Variants in RIT2 observed in about 807,000 individuals in gnomAD.
RIT2 encodes GTP-binding protein Rit2.
In RIT2, 24 loss-of-function variants were observed where a neutral mutation model predicts 23.7. That is an observed-to-expected ratio of 1.01 (90% CI 0.73 to 1.43). The LOEUF (loss-of-function observed/expected upper bound fraction) is 1.43, where lower values mean the gene tolerates loss of function less well. RIT2 is among the 40% of genes most tolerant of loss of function. The pLI is 0.00. For missense variants in RIT2, 236 were observed against 266.9 expected (o/e 0.88, Z 0.81); for synonymous variants, 107 against 91.1 (o/e 1.17, Z -0.99).
At position 42,797,116 on chromosome 18, in the gene RIT2, G is replaced by A. The variant is rs574349072; in HGVS notation, c.427-53396C>T. The stretch of plus-strand genomic sequence containing the variant: ...AGAGCATCTATACACCAGGCCCTCA[G>A]GAGATGGCCTGAGCAGAGGAGACCA... On this transcript the variant is annotated intron_variant, in intron 4 of 4. Coordinates refer to ENST00000326695, the MANE Select transcript of RIT2 (RefSeq NM_002930.4). Among the ~76,000 whole-genome samples, 4 of 152,258 alleles carry A rather than the reference G, an allele frequency of 2.6e-5. No homozygotes were observed. The South Asian group carries it at 8.3e-4, about 32-fold the overall frequency.
rs943744868 is a variant in RIT2 at position 42,824,757 on chromosome 18, A to G, written c.427-81037T>C. Among the ~76,000 whole-genome samples the G allele has an allele frequency of 4.7e-5, 7 of 148,632 alleles. 1 individual carries two copies. The East Asian group carries it at 9.9e-4, about 21-fold the overall frequency. Reference sequence around the variant, plus strand: ...TAAAACCTGTAGGGGCTTTGTGTGTATGTGTGTGTGTGTGTGTGTGTGTTT... The same window carrying G: ...TAAAACCTGTAGGGGCTTTGTGTGTGTGTGTGTGTGTGTGTGTGTGTGTTT... On this transcript the variant is annotated intron_variant, in intron 4 of 4. Transcript: ENST00000326695.
At chr18:43,074,645 C>A (rs1311265061) in intron 1 of RIT2, among the ~76,000 whole-genome samples, 1 of 152,070 alleles carries the variant, frequency 6.6e-6, no homozygotes, top group Non-Finnish European at 1.5e-5. Context: ...TGGAATCAAC[C>A]GACATGCCCA....
intron 4 of RIT2, among the ~76,000 whole-genome samples, chr18:42,876,847 C>A (rs1460013271): frequency 6.6e-6 from 1 of 151,740 alleles, no homozygotes; most frequent in African/African-American, 2.4e-5. Context: ...GCTACTATCC[C>A]ATGGTATTAA....
intron 2 of RIT2, among the ~76,000 whole-genome samples, chr18:42,987,116 G>GTT (rs1247124306): frequency 1.3e-5 from 2 of 152,050 alleles, no homozygotes; most frequent in African/African-American, 2.4e-5. Context: ...ATTGGTTTCA[G>GTT]TTATATATAT....
At chr18:42,826,159 C>T (rs376619664) in intron 4 of RIT2, among the ~76,000 whole-genome samples, 8 of 152,076 alleles carry the variant, frequency 5.3e-5, no homozygotes, top group East Asian at 1.9e-4. Flanking sequence ...GAGGATTTTA[C>T]GTTTTTCACG....
At chr18:42,763,120 T>C (rs545625642) in intron 4 of RIT2, among the ~76,000 whole-genome samples, 1 of 152,154 alleles carries the variant, frequency 6.6e-6, no homozygotes, top group African/African-American at 2.4e-5. Flanking sequence ...GTAAGTATTG[T>C]CTATTTAAAC....
intron 4 of RIT2, among the ~76,000 whole-genome samples, chr18:42,876,348 C>T (rs1026852513): frequency 4.1e-4 from 57 of 139,876 alleles, no homozygotes; most frequent in Middle Eastern, 3.6e-3. Context: ...GTGCCTGAAA[C>T]TTTTTTTTTT....
intron 1 of RIT2, among the ~76,000 whole-genome samples, chr18:43,060,132 T>C (rs913400655): frequency 6.6e-6 from 1 of 152,182 alleles, no homozygotes; most frequent in Non-Finnish European, 1.5e-5. Context: ...AGTAGAATTT[T>C]AGATCTAAAG....
At chr18:43,090,975 A>T (rs948877587) in intron 1 of RIT2, among the ~76,000 whole-genome samples, 3 of 152,014 alleles carry the variant, frequency 2.0e-5, no homozygotes, top group Non-Finnish European at 2.9e-5. Context: ...CCCCCATGAC[A>T]CAAGTTTATC....
At chr18:42,958,619 A>G (rs1471458102) in intron 3 of RIT2, among the ~76,000 whole-genome samples, 2 of 152,186 alleles carry the variant, frequency 1.3e-5, no homozygotes, top group Non-Finnish European at 2.9e-5. Flanking sequence ...AAAATATAAT[A>G]TATAATTTGA....
intron 4 of RIT2, among the ~76,000 whole-genome samples, chr18:42,795,846 T>C (rs1390393030): frequency 1.3e-5 from 2 of 152,152 alleles, no homozygotes; most frequent in East Asian, 3.9e-4. Context: ...CGACACTCTG[T>C]ATCTAGCTAC....
At chr18:42,791,705 T>C (rs1914047510) in intron 4 of RIT2, among the ~76,000 whole-genome samples, 1 of 152,234 alleles carries the variant, frequency 6.6e-6, no homozygotes, top group Non-Finnish European at 1.5e-5. Flanking sequence ...ATTTTTGTGG[T>C]AAACGTTTGC....
At chr18:42,850,686 A>G (rs879404878) in intron 4 of RIT2, among the ~76,000 whole-genome samples, 4 of 152,226 alleles carry the variant, frequency 2.6e-5, no homozygotes, top group Non-Finnish European at 5.9e-5. Flanking sequence ...TAGAAGATAC[A>G]ATATCTACCT....
At chr18:42,798,566 T>C (rs573613569) in intron 4 of RIT2, among the ~76,000 whole-genome samples, 21 of 152,214 alleles carry the variant, frequency 1.4e-4, no homozygotes, top group Admixed American at 6.5e-5. Context: ...CAATAGAAAT[T>C]AAATTGGAAA....
At chr18:43,041,316 G>A (rs546523872) in intron 1 of RIT2, among the ~76,000 whole-genome samples, 116 of 152,184 alleles carry the variant, frequency 7.6e-4, no homozygotes, top group African/African-American at 2.7e-3. Flanking sequence ...ATGCTTAGTA[G>A]ACTCAATAGC....
chr18:43,046,618 A>C (rs2144302852), intron 1 of RIT2, among the ~76,000 whole-genome samples: 1 of 152,276 alleles, frequency 6.6e-6, no homozygotes, highest in South Asian at 2.1e-4. Context: ...CATTTACAGA[A>C]CTGAATCATA....
chr18:42,747,079 G>A (rs573176929), intron 4 of RIT2, among the ~76,000 whole-genome samples: 60 of 152,014 alleles, frequency 3.9e-4, no homozygotes, highest in African/African-American at 1.3e-3. Context: ...AAGAAATAAA[G>A]GACATTCAAA....
intron 4 of RIT2, among the ~76,000 whole-genome samples, chr18:42,883,528 A>G (rs1215354711): frequency 1.3e-5 from 2 of 152,158 alleles, no homozygotes; most frequent in East Asian, 3.8e-4. Flanking sequence ...TGAATGCTTC[A>G]GGTTTTTCAG....
chr18:42,880,857 G>C (rs531052113), intron 4 of RIT2, among the ~76,000 whole-genome samples: 2 of 146,798 alleles, frequency 1.4e-5, no homozygotes, highest in African/African-American at 5.1e-5. Context: ...GCTCAGGCTG[G>C]AGTGCAATGG....
Sources: gnomAD v4.1 joint callset for allele counts (sites outside exome capture counted in the v4.1 genomes callset) on GRCh38, gnomAD v4.1.1 for gene constraint, MANE v1.5 for transcripts, NCBI Gene and HGNC (gene_info 2026-07-23, HGNC 2026-07-21) for gene names.